The following XIAP variants were observed in gnomAD, a reference collection of about 807,000 sequenced individuals.
The protein encoded by XIAP is E3 ubiquitin-protein ligase XIAP.
Under a neutral mutation model 33.1 loss-of-function variants are expected in XIAP, and 3 were observed. The ratio of observed to expected loss-of-function variants is 0.09; its 90% CI spans 0.04 to 0.23. The LOEUF (loss-of-function observed/expected upper bound fraction) is 0.23. Among genes scored for constraint, XIAP ranks in the 10% least tolerant of loss-of-function variants. The pLI is 1.00. For missense variants in XIAP, 264 were observed against 363.0 expected (o/e 0.73, Z 2.22); for synonymous variants, 98 against 121.3 (o/e 0.81, Z 1.26).
Position 123,910,363 on chromosome X carries a change from AGTT to A in XIAP, c.*3186_*3188del, listed in dbSNP as rs1312375138. 1 of 327,150 alleles carries A rather than the reference AGTT, an allele frequency of 3.1e-6. No homozygotes were observed. The highest frequency in any genetic ancestry group is 5.9e-6 in the Non-Finnish European group (1 of 169,607). The allele number at this position is 327,150 out of a possible 1,213,427, so 27.0% of individuals were successfully genotyped here. A position where few individuals can be genotyped will look rare whatever the true frequency, so the allele number is the denominator to read the frequency against. ...GTTGTTATATTATTTACATTTCAGTAGTTGTTTTTTGTGTTTCCATTTTAGTGG... is the reference window on the plus strand; with the variant it reads ...GTTGTTATATTATTTACATTTCAGTAGTTTTTTGTGTTTCCATTTTAGTGG... On this transcript the variant is annotated 3_prime_UTR_variant, in exon 7 of 7. Coordinates refer to ENST00000371199, the MANE Select transcript of XIAP (RefSeq NM_001167.4).
At chrX:123,905,347 A>G (rs996522518) in intron 6 of XIAP, among the ~76,000 whole-genome samples, 4 of 111,296 alleles carry the variant, frequency 3.6e-5, no homozygotes, top group Non-Finnish European at 7.5e-5. Flanking sequence ...CTCTCCTTGG[A>G]GCTTGTTTAT....
In XIAP at chrX:123,912,467, T is replaced by A. The variant is rs1276291039; in HGVS notation, c.*5286T>A. 14 of 325,672 alleles carry A rather than the reference T, an allele frequency of 4.3e-5. No homozygotes were observed. Among genetic ancestry groups the A allele is most frequent in the Admixed American group, 9.5e-5 (3 of 31,583 alleles). 26.8% of individuals were successfully genotyped at this position (325,672 alleles called of 1,213,427 possible). On this transcript the variant is annotated 3_prime_UTR_variant, in exon 7 of 7. Coordinates refer to ENST00000371199, the MANE Select transcript of XIAP (RefSeq NM_001167.4). ...CCTGGACAAAAGGCAAAACCCTGTC[T>A]CTACAAAAAATACAAAAATTAGCTG... is the stretch of plus-strand genomic sequence containing the variant.
Position 123,909,236 on chromosome X carries a change from G to C in XIAP, c.*2055G>C. The C allele has an allele frequency of 3.2e-6, 1 of 316,574 alleles. No individual in the cohort carries two copies. The highest frequency in any genetic ancestry group is 6.1e-6 in the Non-Finnish European group (1 of 163,178). 26.1% of individuals were successfully genotyped at this position (316,574 alleles called of 1,213,427 possible). On this transcript the variant is annotated 3_prime_UTR_variant, in exon 7 of 7. Coordinates refer to ENST00000371199, the MANE Select transcript of XIAP (RefSeq NM_001167.4). The stretch of plus-strand genomic sequence containing the variant: ...AGTAGAGACGGGGTTTCACCATGTT[G>C]GCCAGGCTGGTATCAAACTCCTGAC...
In XIAP at chrX:123,900,604, A is replaced by G; in HGVS notation, c.1211A>G (p.Tyr404Cys). The G allele has an allele frequency of 8.3e-7, 1 of 1,211,697 alleles. No individual in the cohort carries two copies. The highest frequency in any genetic ancestry group is 3.0e-5 in the East Asian group (1 of 33,857). ...AAAATTCAGATATCTGGGAGCAACT[A>G]TAAATCACTTGAGGTTCTGGTTGCA... ...EEKIQISGSNYKSLEVLVADL... is the reference protein window; with the variant it reads ...EEKIQISGSNCKSLEVLVADL... The change falls in exon 6 of 7, where the codon TAT becomes TGT. Residue 404 changes from tyrosine to cysteine, a missense_variant. Transcript: ENST00000371199.
At chrX:123,882,212 G>A (rs2053310458) in intron 1 of XIAP, among the ~76,000 whole-genome samples, 1 of 111,931 alleles carries the variant, frequency 8.9e-6, no homozygotes. Context: ...GTTCCTTTAA[G>A]TGATAGGAGG....
At chrX:123,895,843 C>T (rs1448046029) in intron 5 of XIAP, among the ~76,000 whole-genome samples, 2 of 106,717 alleles carry the variant, frequency 1.9e-5, no homozygotes, top group Non-Finnish European at 3.8e-5. Context: ...CTGATTGCAA[C>T]CTCCGCCTCC....
intron 1 of XIAP, among the ~76,000 whole-genome samples, chrX:123,885,043 C>A (rs1302541008): frequency 9.0e-6 from 1 of 110,589 alleles, no homozygotes; most frequent in African/African-American, 3.3e-5. Flanking sequence ...CTGTAATTAT[C>A]CAGTTACAAC....
chrX:123,877,051 G>A (rs1041239517), intron 1 of XIAP, among the ~76,000 whole-genome samples: 6 of 109,051 alleles, frequency 5.5e-5, no homozygotes, highest in South Asian at 3.9e-4. Flanking sequence ...TATTACCAGA[G>A]TCAGTGAATT....
intron 1 of XIAP, among the ~76,000 whole-genome samples, chrX:123,871,369 G>C (rs1229781840): frequency 1.8e-5 from 2 of 112,357 alleles, no homozygotes; most frequent in East Asian, 5.6e-4. Context: ...GGAACCATCT[G>C]ATTGTATGAA....
At chrX:123,865,550 T>TA (rs760806196) in intron 1 of XIAP, among the ~76,000 whole-genome samples, 273 of 89,580 alleles carry the variant, frequency 3.0e-3, no homozygotes, top group African/African-American at 7.8e-3. Context: ...CCCTCTCTGC[T>TA]AAAAAAAAAA....
Position 123,908,927 on chromosome X carries a change from TTTG to T in XIAP, c.*1751_*1753del, listed in dbSNP as rs1234130870. The T allele has an allele frequency of 8.6e-6, 3 of 347,460 alleles. No homozygotes were observed. Among genetic ancestry groups the T allele is most frequent in the Non-Finnish European group, 1.7e-5 (3 of 181,784 alleles). The allele number at this position is 347,460 out of a possible 1,213,427, so 28.6% of individuals were successfully genotyped here. The stretch of plus-strand genomic sequence containing the variant: ...GAGTAAAACTGTAAAAAATTATATT[TTTG>T]TTGTACTTTCTAAGAGAAAGAGTAT... On this transcript the variant is annotated 3_prime_UTR_variant, in exon 7 of 7. Transcript: ENST00000371199.
intron 1 of XIAP, chrX:123,879,090 T>G (rs1432178404): frequency 2.7e-5 from 3 of 111,297 alleles, no homozygotes; most frequent in African/African-American, 9.8e-5. Context: ...TTCTGTGCTG[T>G]GAGCCAGGCC....
intron 6 of XIAP, among the ~76,000 whole-genome samples, chrX:123,904,972 C>T (rs1473691946): frequency 1.8e-5 from 2 of 111,762 alleles, no homozygotes; most frequent in African/African-American, 6.5e-5. Flanking sequence ...TGGTTTCTGC[C>T]CTGCCCATTA....
chrX:123,886,461 G>C lies in XIAP; in HGVS notation c.799G>C (p.Ala267Pro). Residue 267 changes from alanine to proline, a missense_variant, in exon 2 of 7, where the codon GCA becomes CCA. Transcript: ENST00000371199. ...PRNPSMADYEARIFTFGTWIY... is the reference protein window; with the variant it reads ...PRNPSMADYEPRIFTFGTWIY... The stretch of plus-strand genomic sequence containing the variant: ...AAATCCATCCATGGCAGATTATGAA[G>C]CACGGATCTTTACTTTTGGGACATG... 8.3e-7 allele frequency: 1 copy of C among 1,209,239 alleles called. No individual in the cohort carries two copies. The highest frequency in any genetic ancestry group is 1.1e-6 in the Non-Finnish European group (1 of 895,464).
intron 1 of XIAP, among the ~76,000 whole-genome samples, chrX:123,873,402 G>A (rs1228914860): frequency 3.7e-5 from 4 of 107,879 alleles, no homozygotes; most frequent in African/African-American, 1.3e-4. Flanking sequence ...TCAAACACCT[G>A]GGCTCAAGCA....
chrX:123,863,727 C>G (rs892520607), intron 1 of XIAP, among the ~76,000 whole-genome samples: 2 of 111,168 alleles, frequency 1.8e-5, no homozygotes, highest in African/African-American at 6.5e-5. Flanking sequence ...AGGCTGGTCT[C>G]AAACTCCCGA....
At chrX:123,906,080 G>A in intron 6 of XIAP, among the ~76,000 whole-genome samples, 1 of 112,918 alleles carries the variant, frequency 8.9e-6, no homozygotes, top group Non-Finnish European at 1.9e-5. Context: ...TTGGAATAGT[G>A]CCTAGCACGT....
chrX:123,896,480 GCTT>G (rs1371556726), intron 5 of XIAP, among the ~76,000 whole-genome samples: 3 of 110,419 alleles, frequency 2.7e-5, no homozygotes, highest in Admixed American at 2.0e-4. Flanking sequence ...CTTTTTTTTG[GCTT>G]CTTTTACTTT....
At chrX:123,887,204 C>G in intron 2 of XIAP, among the ~76,000 whole-genome samples, 1 of 111,933 alleles carries the variant, frequency 8.9e-6, no homozygotes, top group Non-Finnish European at 1.9e-5. Context: ...CAGGTGCATG[C>G]ACCATGCCTG....
Sources: gnomAD v4.1 joint callset for allele counts (sites outside exome capture counted in the v4.1 genomes callset) on GRCh38, gnomAD v4.1.1 for gene constraint, MANE v1.5 for transcripts, NCBI Gene and HGNC (gene_info 2026-07-23, HGNC 2026-07-21) for gene names.